Variants in SLC24A3 observed in about 807,000 individuals in gnomAD.
SLC24A3 encodes the protein sodium/potassium/calcium exchanger 3.
A neutral mutation model predicts 75.8 loss-of-function variants in SLC24A3; 28 were observed. That is an observed-to-expected ratio of 0.37 (90% confidence interval 0.27 to 0.51). The LOEUF (loss-of-function observed/expected upper bound fraction) is 0.51, where lower values mean the gene tolerates loss of function less well. Ranked by LOEUF, SLC24A3 falls within the 20% of genes least tolerant of loss-of-function variation. The probability of loss-of-function intolerance (pLI) is 0.94; values close to 1 mark genes in which losing one functional copy is unlikely to be tolerated. For synonymous variants in SLC24A3, 372 were observed against 334.1 expected (o/e 1.11, Z -1.24); for missense variants, 663 against 847.8 (o/e 0.78, Z 2.71).
At position 19,404,820 on chromosome 20, in the gene SLC24A3, C is replaced by T. The variant is rs114819189; in HGVS notation, c.272-110668C>T. 6.8e-3 allele frequency among the ~76,000 whole-genome samples: 1,040 copies of T among 152,310 alleles called. 11 individuals carry two copies. The highest frequency in any genetic ancestry group is 0.024 in the African/African-American group (982 of 41,570). On this transcript the variant is annotated intron_variant, in intron 2 of 16. Transcript: ENST00000328041. ...GGGGCTCTTCCCCAGGAGGCTGGCT[C>T]TTTCCCTAATTAAGTGGCAGTTCTT...
chr20:19,244,096 C>T (rs533341859), intron 1 of SLC24A3: 90 of 152,186 alleles, frequency 5.9e-4, no homozygotes, highest in African/African-American at 2.1e-3. Context: ...TCTTTTTTCT[C>T]AATCTCTCTC....
intron 2 of SLC24A3, among the ~76,000 whole-genome samples, chr20:19,509,122 A>G (rs1034395796): frequency 2.6e-5 from 4 of 152,208 alleles, no homozygotes; most frequent in Non-Finnish European, 4.4e-5. Context: ...TTCACTATCT[A>G]CACTCTTCAT....
intron 2 of SLC24A3, among the ~76,000 whole-genome samples, chr20:19,286,966 A>G (rs1251726065): frequency 2.6e-5 from 4 of 152,244 alleles, no homozygotes; most frequent in Non-Finnish European, 5.9e-5. Context: ...TGTAATTCTC[A>G]TAATGATTCA....
chr20:19,510,111 G>C lies in SLC24A3; in HGVS notation c.272-5377G>C, dbSNP rs569736213. Among the ~76,000 whole-genome samples, 141 of 152,310 alleles carry C rather than the reference G, an allele frequency of 9.3e-4. 1 individual carries two copies. The highest frequency in any genetic ancestry group is 3.3e-3 in the African/African-American group (136 of 41,562). ...GACAATCCTTATGGCCTCCCTAAAC[G>C]AAGCTGCTGCCCCAGTGGGTCTCTA... On this transcript the variant is annotated intron_variant, in intron 2 of 16. Transcript: ENST00000328041.
chr20:19,628,615 G>A (rs1012039148), intron 6 of SLC24A3, among the ~76,000 whole-genome samples: 12 of 152,174 alleles, frequency 7.9e-5, no homozygotes, highest in African/African-American at 2.9e-4. Flanking sequence ...TTGCTTTCTT[G>A]CCTGACCTAG....
intron 3 of SLC24A3, among the ~76,000 whole-genome samples, chr20:19,526,644 C>CATCT (rs2030203631): frequency 6.6e-6 from 1 of 152,190 alleles, no homozygotes; most frequent in Admixed American, 6.5e-5. Flanking sequence ...ATCCTTCCTC[C>CATCT]ATCTCCCCCA....
intron 3 of SLC24A3, among the ~76,000 whole-genome samples, chr20:19,555,880 C>T (rs2030774423): frequency 6.6e-6 from 1 of 152,186 alleles, no homozygotes; most frequent in Admixed American, 6.5e-5. Flanking sequence ...GAATGTGTCT[C>T]AGTCAATTCA....
chr20:19,247,726 T>A (rs1189185792), intron 1 of SLC24A3, among the ~76,000 whole-genome samples: 1 of 152,264 alleles, frequency 6.6e-6, no homozygotes, highest in African/African-American at 2.4e-5. Flanking sequence ...GCTGCATTGA[T>A]AATATTTTTG....
intron 2 of SLC24A3, among the ~76,000 whole-genome samples, chr20:19,432,353 A>T (rs1987119258): frequency 6.6e-6 from 1 of 150,818 alleles, no homozygotes; most frequent in South Asian, 2.1e-4. Context: ...GTCAAAATTT[A>T]AAAAGTTGAA....
intron 6 of SLC24A3, among the ~76,000 whole-genome samples, chr20:19,643,552 G>T (rs572278925): frequency 2.6e-4 from 40 of 152,300 alleles, no homozygotes; most frequent in African/African-American, 9.6e-4. Context: ...TGTCCCCTGT[G>T]ATTCTATTAC....
intron 1 of SLC24A3, among the ~76,000 whole-genome samples, chr20:19,238,584 A>T (rs2122159719): frequency 6.6e-6 from 1 of 152,340 alleles, no homozygotes; most frequent in Middle Eastern, 3.4e-3. Context: ...CTTCGATTTT[A>T]AAGCAAAGTG....
intron 2 of SLC24A3, among the ~76,000 whole-genome samples, chr20:19,373,410 G>A (rs757963428): frequency 1.3e-5 from 2 of 152,110 alleles, no homozygotes; most frequent in East Asian, 1.9e-4. Context: ...TGGAACATTC[G>A]AGAACCCTTT....
intron 2 of SLC24A3, among the ~76,000 whole-genome samples, chr20:19,407,209 C>T (rs1323256127): frequency 1.3e-5 from 2 of 152,192 alleles, no homozygotes; most frequent in African/African-American, 4.8e-5. Flanking sequence ...TCACAGAGTC[C>T]ACAAGCAGAG....
intron 3 of SLC24A3, among the ~76,000 whole-genome samples, chr20:19,543,846 A>G (rs909018242): frequency 1.3e-5 from 2 of 152,234 alleles, no homozygotes; most frequent in Admixed American, 6.5e-5. Flanking sequence ...GGTACAATTT[A>G]TGGCTGTAAA....
intron 6 of SLC24A3, among the ~76,000 whole-genome samples, chr20:19,612,143 G>A (rs2031678618): frequency 6.6e-6 from 1 of 152,090 alleles, no homozygotes; most frequent in Non-Finnish European, 1.5e-5. Context: ...TGCTCTCCTG[G>A]CCCTCCCCGC....
Position 19,693,314 on chromosome 20 carries a change from A to G in SLC24A3, c.1380A>G (p.Leu460=). Residue 460 remains leucine, a synonymous_variant, in exon 13 of 17, where the codon TTA becomes TTG. Transcript: ENST00000328041. ...TCACCTGGCCGCTGAGTTTCGTCTT[A>G]TACTTCACTGTACCCAACTGCAACA... The part of the protein sequence containing the change: ...WAFTWPLSFV[L]YFTVPNCNKP... 1 of 1,614,016 alleles carries G rather than the reference A, an allele frequency of 6.2e-7. No homozygotes were observed. Among genetic ancestry groups the G allele is most frequent in the East Asian group, 2.2e-5 (1 of 44,868 alleles).
chr20:19,281,232 G>GATGTCACC, intron 2 of SLC24A3, 145 bp downstream of exon 2: 1 of 1,221,802 alleles, frequency 8.2e-7, no homozygotes, highest in Non-Finnish European at 1.1e-6. Context: ...AAACTTTCAG[G>GATGTCACC]TGACATCCTG....
At chr20:19,457,110 A>G (rs1157158080) in intron 2 of SLC24A3, among the ~76,000 whole-genome samples, 1 of 152,232 alleles carries the variant, frequency 6.6e-6, no homozygotes, top group African/African-American at 2.4e-5. Context: ...AAAAAAATGA[A>G]TAATGTAGTA....
At chr20:19,492,848 T>A (rs147857133) in intron 2 of SLC24A3, among the ~76,000 whole-genome samples, 21 of 152,294 alleles carry the variant, frequency 1.4e-4, no homozygotes, top group African/African-American at 5.1e-4. Context: ...CATCTACACA[T>A]CCCTGGAAGC....
Sources: allele counts gnomAD v4.1 joint callset (sites outside exome capture counted in the v4.1 genomes callset), GRCh38; gene constraint gnomAD v4.1.1; transcripts MANE v1.5; gene names NCBI Gene and HGNC (gene_info 2026-07-23, HGNC 2026-07-21).